NEK6: variants seen among roughly 807,000 people sequenced by gnomAD.
NEK6 encodes NIMA related kinase 6, also known as serine/threonine-protein kinase Nek6.
In NEK6, 27 loss-of-function variants were observed where a neutral mutation model predicts 43.5. The observed-to-expected ratio is 0.62, with a 90% CI of 0.46 to 0.86. NEK6 has a LOEUF of 0.86. Among genes scored for constraint, NEK6 ranks in the 40% least tolerant of loss-of-function variants. The pLI, the probability that NEK6 is intolerant of heterozygous loss-of-function variation, is 0.00. For synonymous variants in NEK6, 167 were observed against 164.1 expected, an observed-to-expected ratio of 1.02 and a Z score of -0.14; for missense variants, 318 against 414.4, an observed-to-expected ratio of 0.77 and a Z score of 2.02.
intron 7 of NEK6, among the ~76,000 whole-genome samples, chr9:124,330,178 G>C (rs1398879199): frequency 6.6e-6 from 1 of 152,240 alleles, no homozygotes; most frequent in Non-Finnish European, 1.5e-5. Context: ...CGGTGGCAGA[G>C]TGGCTGCCTC....
In NEK6 at chr9:124,312,526, G is replaced by A. The variant is rs1473091875; in HGVS notation, c.108G>A (p.Leu36=). ...CGTTCCAGAGGCATCCCAACACGCTGTCTTTTCGCTGCTCGCTGGCGGACT... is the reference window on the plus strand; with the variant it reads ...CGTTCCAGAGGCATCCCAACACGCTATCTTTTCGCTGCTCGCTGGCGGACT... The part of the protein sequence containing the change: ...PPDPQRHPNT[L]SFRCSLADFQ... The change falls in exon 3 of 10, where the codon CTG becomes CTA. Residue 36 remains leucine (L), a synonymous_variant. Coordinates refer to ENST00000320246, the MANE Select transcript of NEK6 (RefSeq NM_014397.6). The A allele has an allele frequency of 1.9e-6, 3 of 1,613,924 alleles. No individual in the cohort carries two copies. The highest frequency in any genetic ancestry group is 1.3e-5 in the African/African-American group (1 of 74,948).
intron 7 of NEK6, among the ~76,000 whole-genome samples, chr9:124,332,277 A>G (rs1408908839): frequency 6.6e-6 from 1 of 152,252 alleles, no homozygotes; most frequent in Non-Finnish European, 1.5e-5. Context: ...TGGTAGGAGA[A>G]TCCATTTAGT....
intron 7 of NEK6, among the ~76,000 whole-genome samples, chr9:124,334,738 G>GA (rs1414754581): frequency 6.6e-6 from 1 of 152,250 alleles, no homozygotes; most frequent in Non-Finnish European, 1.5e-5. Context: ...GAGGCGAGTG[G>GA]AAAAGCGGGC....
intron 8 of NEK6, among the ~76,000 whole-genome samples, chr9:124,345,760 G>A (rs1002119599): frequency 1.6e-4 from 24 of 152,186 alleles, no homozygotes; most frequent in Non-Finnish European, 1.0e-4. Context: ...GCTGCAACTC[G>A]GGGGCACCCA....
chr9:124,340,024 G>A (rs940347831), intron 8 of NEK6, among the ~76,000 whole-genome samples: 7 of 152,098 alleles, frequency 4.6e-5, no homozygotes, highest in South Asian at 2.1e-4. Flanking sequence ...GGTCAGGCCC[G>A]GTGCAGGGCA....
chr9:124,270,985 A>T (rs1428965096), intron 1 of NEK6, among the ~76,000 whole-genome samples: 1 of 152,174 alleles, frequency 6.6e-6, no homozygotes, highest in Non-Finnish European at 1.5e-5. Context: ...TTTCACACAG[A>T]GCAAGGGCCT....
chr9:124,336,735 G>A (rs946532124), intron 7 of NEK6, among the ~76,000 whole-genome samples: 2 of 152,156 alleles, frequency 1.3e-5, no homozygotes, highest in African/African-American at 4.8e-5. Flanking sequence ...CAGGCTGGGT[G>A]CAGTGGCTCA....
At chr9:124,293,110 C>T in intron 1 of NEK6, 2 of 1,300,824 alleles carry the variant, frequency 1.5e-6, no homozygotes, top group Non-Finnish European at 2.0e-6. Flanking sequence ...CAGCTCTCCC[C>T]AGCTGCATTG....
intron 2 of NEK6, among the ~76,000 whole-genome samples, chr9:124,302,587 G>A (rs976418776): frequency 1.3e-5 from 2 of 152,220 alleles, no homozygotes; most frequent in Non-Finnish European, 2.9e-5. Flanking sequence ...GGAGAGCCAG[G>A]CAGCCTTCAG....
Position 124,339,895 on chromosome 9 carries a change from G to C in NEK6, c.717+230G>C, listed in dbSNP as rs1263679248. Among the ~76,000 whole-genome samples the C allele has an allele frequency of 7.2e-5, 5 of 69,700 alleles. No homozygotes were observed. The Admixed American group carries it at 7.2e-4, about 10-fold the overall frequency. 45.7% of individuals were successfully genotyped at this position (69,700 alleles called of 152,430 possible). ...TTAGAGGGTGGACAGCAGTGGGCGG[G>C]GTCCAGGAAGGGAAGACAGAGGGAG... On this transcript the variant is annotated intron_variant, in intron 8 of 9. Coordinates refer to ENST00000320246, the MANE Select transcript of NEK6 (RefSeq NM_014397.6).
At chr9:124,283,331 G>C (rs1203153992) in intron 1 of NEK6, among the ~76,000 whole-genome samples, 4 of 152,348 alleles carry the variant, frequency 2.6e-5, no homozygotes, top group Non-Finnish European at 2.9e-5. Context: ...CCTCAGTGGG[G>C]CCTCTTGGGA....
intron 1 of NEK6, among the ~76,000 whole-genome samples, chr9:124,281,955 C>T (rs537629440): frequency 4.4e-4 from 67 of 152,168 alleles, no homozygotes; most frequent in Non-Finnish European, 8.1e-4. Flanking sequence ...CTTCTGTACC[C>T]CAGACACAGA....
At chr9:124,261,948 T>C (rs987502429) in intron 1 of NEK6, among the ~76,000 whole-genome samples, 2 of 151,956 alleles carry the variant, frequency 1.3e-5, no homozygotes, top group Non-Finnish European at 2.9e-5. Flanking sequence ...TTTTTCCACA[T>C]TTTTATCTTT....
intron 2 of NEK6, among the ~76,000 whole-genome samples, chr9:124,307,909 C>A (rs999691830): frequency 1.3e-5 from 2 of 152,190 alleles, no homozygotes; most frequent in African/African-American, 4.8e-5. Context: ...GCCAAGAACC[C>A]CCTGGGCTTG....
At chr9:124,328,116 G>T (rs929232492) in intron 7 of NEK6, among the ~76,000 whole-genome samples, 1 of 152,154 alleles carries the variant, frequency 6.6e-6, no homozygotes, top group East Asian at 1.9e-4. Flanking sequence ...GCTGGACTCC[G>T]GAAGAGACTT....
intron 1 of NEK6, among the ~76,000 whole-genome samples, chr9:124,283,447 G>A (rs1426178169): frequency 1.3e-5 from 2 of 152,246 alleles, no homozygotes; most frequent in Non-Finnish European, 2.9e-5. Context: ...ACTGGACGGA[G>A]GACAGAGGCT....
At chr9:124,291,006 C>T (rs1011207506) in intron 1 of NEK6, among the ~76,000 whole-genome samples, 10 of 152,204 alleles carry the variant, frequency 6.6e-5, no homozygotes, top group African/African-American at 2.2e-4. Context: ...ATCCTGGATC[C>T]GCACCCTCGT....
At chr9:124,268,847 G>A (rs1228562603) in intron 1 of NEK6, among the ~76,000 whole-genome samples, 2 of 152,168 alleles carry the variant, frequency 1.3e-5, no homozygotes, top group Non-Finnish European at 2.9e-5. Flanking sequence ...GCACAGAACT[G>A]CAGCACATCA....
At chr9:124,279,618 G>C (rs1444126427) in intron 1 of NEK6, among the ~76,000 whole-genome samples, 1 of 152,094 alleles carries the variant, frequency 6.6e-6, no homozygotes, top group Non-Finnish European at 1.5e-5. Context: ...TTCTCTTTCT[G>C]ACTTCACTTG....
Sources: gnomAD v4.1 joint callset for allele counts (sites outside exome capture counted in the v4.1 genomes callset) on GRCh38, gnomAD v4.1.1 for gene constraint, MANE v1.5 for transcripts, NCBI Gene and HGNC (gene_info 2026-07-23, HGNC 2026-07-21) for gene names.